PCDH15: variants seen among roughly 807,000 people sequenced by gnomAD.
The protein encoded by PCDH15 is protocadherin-15.
A neutral mutation model predicts 178.5 loss-of-function variants in PCDH15; 129 were observed. The ratio of observed to expected loss-of-function variants is 0.72; its 90% CI spans 0.63 to 0.84. The LOEUF (loss-of-function observed/expected upper bound fraction) is 0.84. PCDH15 is among the 40% of genes least tolerant of loss of function. The pLI, the probability that PCDH15 is intolerant of heterozygous loss-of-function variation, is 0.00. For synonymous variants in PCDH15, 800 were observed against 732.0 expected (o/e 1.09, Z -1.50); for missense variants, 2,230 against 2,099.9 (o/e 1.06, Z -1.21).
chr10:53,845,332 C>T (rs2077902147), intron 28 of PCDH15, among the ~76,000 whole-genome samples: 2 of 151,694 alleles, frequency 1.3e-5, no homozygotes, highest in Admixed American at 1.3e-4. Context: ...CCTCAAAAAA[C>T]TAAAAATAGA....
chr10:55,166,274 A>G (rs1391094755), intron 2 of PCDH15, among the ~76,000 whole-genome samples: 3 of 152,190 alleles, frequency 2.0e-5, no homozygotes, highest in African/African-American at 7.2e-5. Context: ...GAAACAATCA[A>G]TGAAGAATAA....
chr10:54,040,090 C>T (rs1281447626), intron 18 of PCDH15, among the ~76,000 whole-genome samples: 1 of 151,856 alleles, frequency 6.6e-6, no homozygotes, highest in East Asian at 1.9e-4. Context: ...ACTATGTTTC[C>T]TAATACTGTT....
chr10:55,208,294 G>A (rs532017603), intron 1 of PCDH15, among the ~76,000 whole-genome samples: 4 of 152,040 alleles, frequency 2.6e-5, no homozygotes, highest in Middle Eastern at 3.4e-3. Flanking sequence ...AAATCAAAAC[G>A]CTTGTTCCAT....
chr10:54,960,355 T>G (rs1178610191), intron 2 of PCDH15, among the ~76,000 whole-genome samples: 1 of 152,182 alleles, frequency 6.6e-6, no homozygotes, highest in East Asian at 1.9e-4. Flanking sequence ...CTAAAAGCTG[T>G]GAAATAATGT....
chr10:54,458,565 T>C (rs2076975851), intron 3 of PCDH15, among the ~76,000 whole-genome samples: 1 of 152,140 alleles, frequency 6.6e-6, no homozygotes, highest in East Asian at 1.9e-4. Flanking sequence ...TATACACCCT[T>C]TGTGATGCTT....
At chr10:53,874,779 T>C (rs1160852467) in intron 26 of PCDH15, among the ~76,000 whole-genome samples, 1 of 152,084 alleles carries the variant, frequency 6.6e-6, no homozygotes, top group Admixed American at 6.6e-5. Flanking sequence ...ACTTTAAATA[T>C]TTGAATTAGT....
At chr10:54,976,293 T>G (rs1267729962) in intron 2 of PCDH15, among the ~76,000 whole-genome samples, 1 of 152,196 alleles carries the variant, frequency 6.6e-6, no homozygotes, top group African/African-American at 2.4e-5. Flanking sequence ...CAACAGTTTC[T>G]TCCTGCCTGC....
intron 8 of PCDH15, among the ~76,000 whole-genome samples, chr10:54,305,582 T>C (rs80208778): frequency 0.016 from 2,472 of 152,110 alleles, 34 homozygotes; most frequent in Middle Eastern, 0.062. Flanking sequence ...ATAGGGAAAG[T>C]CTCTGTTTTC....
At chr10:55,352,243 C>T (rs1844957566) in intron 2 of PCDH15, among the ~76,000 whole-genome samples, 1 of 152,068 alleles carries the variant, frequency 6.6e-6, no homozygotes, top group African/African-American at 2.4e-5. Context: ...TGGCTTATTA[C>T]TTGCTGTTTA....
intron 2 of PCDH15, among the ~76,000 whole-genome samples, chr10:54,619,666 A>G (rs1175713022): frequency 6.6e-6 from 1 of 152,076 alleles, no homozygotes; most frequent in South Asian, 2.1e-4. Flanking sequence ...TGACTTCAAG[A>G]TAAGTGCCTA....
chr10:55,502,554 T>C (rs1840679115), intron 2 of PCDH15, among the ~76,000 whole-genome samples: 1 of 151,734 alleles, frequency 6.6e-6, no homozygotes, highest in African/African-American at 2.4e-5. Context: ...GTTTTCACAC[T>C]TCCTTTTTAA....
chr10:54,853,595 A>C (rs912075183), intron 3 of PCDH15, among the ~76,000 whole-genome samples: 1 of 151,128 alleles, frequency 6.6e-6, no homozygotes, highest in Admixed American at 6.6e-5. Flanking sequence ...TAAATCAAAA[A>C]TACCTTCCTT....
chr10:54,973,256 A>C (rs1185815907), intron 2 of PCDH15, among the ~76,000 whole-genome samples: 1 of 152,226 alleles, frequency 6.6e-6, no homozygotes, highest in African/African-American at 2.4e-5. Context: ...GGCTGTGTGC[A>C]GATCAAGTGT....
intron 13 of PCDH15, among the ~76,000 whole-genome samples, chr10:54,178,307 A>G (rs1331648586): frequency 1.3e-5 from 2 of 152,192 alleles, no homozygotes; most frequent in African/African-American, 4.8e-5. Flanking sequence ...ATAGAAATAT[A>G]GAGATAGATA....
intron 5 of PCDH15, among the ~76,000 whole-genome samples, chr10:54,365,165 T>A (rs1347522659): frequency 6.6e-6 from 1 of 152,084 alleles, no homozygotes; most frequent in Non-Finnish European, 1.5e-5. Flanking sequence ...GCAAAGCTAT[T>A]TTTGCCAGGT....
intron 33 of PCDH15, 84 bp downstream of exon 33, chr10:53,820,070 CAAGAAATTATA>C (rs2076202104): frequency 5.1e-6 from 2 of 394,898 alleles, no homozygotes; most frequent in Non-Finnish European, 8.9e-6. Context: ...ATAGATTTAT[CAAGAAATTATA>C]AATTTTACAT....
intron 2 of PCDH15, among the ~76,000 whole-genome samples, chr10:55,147,949 T>C (rs2132097227): frequency 6.6e-6 from 1 of 151,980 alleles, no homozygotes; most frequent in East Asian, 1.9e-4. Context: ...AACTCAGTAG[T>C]AATTACTGCT....
intron 2 of PCDH15, among the ~76,000 whole-genome samples, chr10:55,468,684 T>C (rs1839892016): frequency 6.6e-6 from 1 of 152,228 alleles, no homozygotes; most frequent in Non-Finnish European, 1.5e-5. Flanking sequence ...TCTTTAGTGA[T>C]AACATAATAA....
At chr10:53,817,809 G>C (rs34215767) in intron 34 of PCDH15, among the ~76,000 whole-genome samples, 186 bp downstream of exon 34, 6,321 of 152,062 alleles carry the variant, frequency 0.042, 194 homozygotes, top group Middle Eastern at 0.079. Flanking sequence ...CATTGAATAA[G>C]AGATTTAAAA....
Sources: allele counts gnomAD v4.1 joint callset (sites outside exome capture counted in the v4.1 genomes callset), GRCh38; gene constraint gnomAD v4.1.1; transcripts MANE v1.5; gene names NCBI Gene and HGNC (gene_info 2026-07-23, HGNC 2026-07-21).